The following KDM5B variants were observed in gnomAD, a reference collection of about 807,000 sequenced individuals.
KDM5B encodes lysine demethylase 5B.
KDM5B carries 144 observed loss-of-function variants against 193.4 expected under a neutral mutation model. The observed-to-expected ratio is 0.74, with a 90% CI of 0.65 to 0.86. The LOEUF is 0.86. Among genes scored for constraint, KDM5B ranks in the 40% least tolerant of loss-of-function variants. The pLI is 0.00. For synonymous variants in KDM5B, 668 were observed against 682.6 expected, an observed-to-expected ratio of 0.98 and a Z score of 0.33; for missense variants, 1,833 against 1,886.9, an observed-to-expected ratio of 0.97 and a Z score of 0.53.
At position 202,729,848 on chromosome 1, in the gene KDM5B, CTCTAACTT is replaced by C; in HGVS notation, c.4348_4355del (p.Lys1450GlufsTer4). ...GAACTAATTCATAGCTACGCTCTCTCTCTAACTTGAAATTGTTCATGTCCTTGGGGTGG... is the reference window on the plus strand; with the variant it reads ...GAACTAATTCATAGCTACGCTCTCTCGAAATTGTTCATGTCCTTGGGGTGG... On this transcript the variant is annotated frameshift_variant, in exon 26 of 27. Transcript: ENST00000367265. LOFTEE classifies it high-confidence loss of function. The C allele has an allele frequency of 6.2e-7, 1 of 1,614,186 alleles. No homozygotes were observed. Among genetic ancestry groups the C allele is most frequent in the Non-Finnish European group, 8.5e-7 (1 of 1,180,028 alleles).
chr1:202,778,974 C>CG (rs959552831), intron 1 of KDM5B, among the ~76,000 whole-genome samples: 5 of 151,864 alleles, frequency 3.3e-5, no homozygotes, highest in African/African-American at 9.7e-5. Context: ...GTTAAGGGGT[C>CG]GGGGGGCGGA....
At chr1:202,751,251 C>T (rs1017403278) in intron 12 of KDM5B, among the ~76,000 whole-genome samples, 3 of 152,062 alleles carry the variant, frequency 2.0e-5, no homozygotes, top group Non-Finnish European at 1.5e-5. Flanking sequence ...TTGCTCTAGG[C>T]ACACAAATCC....
At chr1:202,740,905 A>C in intron 19 of KDM5B, 93 bp from the exon 20 acceptor site, 1 of 1,279,720 alleles carries the variant, frequency 7.8e-7, no homozygotes. Context: ...AAGGAAATTC[A>C]GTATGGCAAA....
intron 5 of KDM5B, among the ~76,000 whole-genome samples, chr1:202,764,652 C>CA (rs976826001): frequency 2.8e-4 from 42 of 151,884 alleles, no homozygotes; most frequent in Non-Finnish European, 5.6e-4. Flanking sequence ...AACAAACAAA[C>CA]AAAAAAACAA....
intron 1 of KDM5B, among the ~76,000 whole-genome samples, chr1:202,794,464 A>G (rs1657759477): frequency 6.6e-6 from 1 of 152,252 alleles, no homozygotes; most frequent in South Asian, 2.1e-4. Flanking sequence ...TTCTCTGAAC[A>G]TTACAATTTG....
chr1:202,735,545 T>A lies in KDM5B; in HGVS notation c.3307A>T (p.Arg1103Trp). 6.2e-7 allele frequency: 1 copy of A among 1,613,970 alleles called. No homozygotes were observed. ...GGCTCCTTTAACTTTCTCTGCTTCC[T>A]TTTCAATCCCAAAAGGCCAATATCA... ...RCDIGLLGLK[R>W]KQRKLKEPLP... is the part of the protein sequence containing the mutation. The change falls in exon 22 of 27, where the codon AGG becomes TGG. Residue 1103 changes from arginine to tryptophan, a missense_variant. By Grantham distance (101) the Arg-to-Trp change is moderately radical. Coordinates refer to ENST00000367265, the MANE Select transcript of KDM5B (RefSeq NM_006618.5).
chr1:202,793,599 A>ACCCT (rs1657726065), intron 1 of KDM5B, among the ~76,000 whole-genome samples: 1 of 152,244 alleles, frequency 6.6e-6, no homozygotes, highest in Non-Finnish European at 1.5e-5. Context: ...TAACATGGAA[A>ACCCT]TAATGGAACA....
intron 1 of KDM5B, among the ~76,000 whole-genome samples, chr1:202,801,959 T>G (rs1658093769): frequency 6.6e-6 from 1 of 151,284 alleles, no homozygotes; most frequent in Admixed American, 6.6e-5. Flanking sequence ...AGCCCTCCAG[T>G]TCCCAACCTT....
chr1:202,732,057 A>G (rs997774652), intron 23 of KDM5B, 118 bp from the exon 24 acceptor site: 13 of 636,746 alleles, frequency 2.0e-5, no homozygotes, highest in Admixed American at 3.3e-5. Context: ...AAAAAAAAAA[A>G]CAACTTGATT....
In KDM5B at chr1:202,731,930, G is replaced by A; in HGVS notation, c.3919C>T (p.Pro1307Ser). 1.2e-6 allele frequency: 2 copies of A among 1,605,716 alleles called. No individual in the cohort carries two copies. The highest frequency in any genetic ancestry group is 2.7e-5 in the African/African-American group (2 of 74,586). Residue 1307 changes from proline (P) to serine (S), a missense_variant, in exon 24 of 27, where the codon CCT becomes TCT. Pro to Ser is a moderately conservative substitution (Grantham distance 74). Around this residue, in one of 3 missense-constraint regions of KDM5B, gnomAD observed 1,379 missense variants for 1,349.6 expected, o/e 1.02. Coordinates refer to ENST00000367265, the MANE Select transcript of KDM5B (RefSeq NM_006618.5). ...QVSDTNKVSQ[P>S]PGTTSFSLPD... ...AAAGAAAATGATGTTGTGCCAGGAG[G>A]TTGAGATACCTAATGGAGGGAAAAC...
At chr1:202,789,191 TC>T (rs998522483) in intron 1 of KDM5B, among the ~76,000 whole-genome samples, 22 of 151,980 alleles carry the variant, frequency 1.4e-4, no homozygotes, top group Admixed American at 1.4e-3. Context: ...TGTGTCAATA[TC>T]CCATCTAAAG....
chr1:202,782,253 A>G (rs980605059), intron 1 of KDM5B, among the ~76,000 whole-genome samples: 4 of 152,338 alleles, frequency 2.6e-5, no homozygotes, highest in Admixed American at 1.3e-4. Context: ...ATTCACTGTC[A>G]GCTGCAAAAC....
chr1:202,760,524 C>T lies in KDM5B; in HGVS notation c.968G>A (p.Arg323Gln), dbSNP rs375853158. Residue 323 changes from arginine (R) to glutamine (Q), a missense_variant, in exon 8 of 27, where the codon CGG (arginine) becomes CAG (glutamine). Coordinates refer to ENST00000367265, the MANE Select transcript of KDM5B (RefSeq NM_006618.5). ...LLCGSGNDED[R>Q]LLLCDGCDDS... ...ATCACAGCCATCACACAACAGTAGC[C>T]GGTCTTCATCATTGCCACTGCCACA... is the stretch of plus-strand genomic sequence containing the variant. 8.1e-6 allele frequency: 13 copies of T among 1,612,884 alleles called. No homozygotes were observed. The highest frequency in any genetic ancestry group is 2.2e-5 in the South Asian group (2 of 90,898).
chr1:202,742,587 A>G, intron 17 of KDM5B, 68 bp downstream of exon 17: 5 of 1,605,584 alleles, frequency 3.1e-6, no homozygotes, highest in Non-Finnish European at 4.3e-6. Flanking sequence ...AATTCAAGAC[A>G]GGAGTCACAA....
chr1:202,728,851 A>C lies in KDM5B; in HGVS notation c.*185T>G, dbSNP rs1305004050. On this transcript the variant is annotated 3_prime_UTR_variant, in exon 27 of 27. Transcript: ENST00000367265. ...AGGAAAAAATACAAAAAGTGTCAAA[A>C]ATTTTTTTAGTTGTTTTTTCTTTTC... 3 of 672,472 alleles carry C rather than the reference A, an allele frequency of 4.5e-6. No homozygotes were observed. Among genetic ancestry groups the C allele is most frequent in the African/African-American group, 1.8e-5 (1 of 55,568 alleles). The allele number at this position is 672,472 out of a possible 1,614,324, so 41.7% of individuals were successfully genotyped here.
chr1:202,777,013 T>C lies in KDM5B; in HGVS notation c.282+4A>G, dbSNP rs763396829. 1 of 1,593,318 alleles carries C rather than the reference T, an allele frequency of 6.3e-7. No individual in the cohort carries two copies. Among genetic ancestry groups the C allele is most frequent in the Non-Finnish European group, 8.6e-7 (1 of 1,161,152 alleles). On this transcript the variant is annotated splice_donor_region_variant and intron_variant, in intron 2 of 26. Transcript: ENST00000367265. ...GGCAAACAGAACAATAGTGAAGACATTACCTCCAATTCATTCAGTCTCTGG... is the reference window on the plus strand; with the variant it reads ...GGCAAACAGAACAATAGTGAAGACACTACCTCCAATTCATTCAGTCTCTGG...
At chr1:202,795,040 C>T (rs2102336839) in intron 1 of KDM5B, among the ~76,000 whole-genome samples, 1 of 151,674 alleles carries the variant, frequency 6.6e-6, no homozygotes, top group South Asian at 2.1e-4. Context: ...TGGTAAAACC[C>T]CCAACTCTAC....
rs779171662 is a variant in KDM5B at position 202,755,223 on chromosome 1, C to T, written c.1538+48G>A. On this transcript the variant is annotated intron_variant, in intron 11 of 26. Coordinates refer to ENST00000367265, the MANE Select transcript of KDM5B (RefSeq NM_006618.5). ...CATCTGCACTGAAAAGGAAAGTTTT[C>T]CTATCCAGCATGCATACTACTCATG... is the stretch of plus-strand genomic sequence containing the variant. 27 of 1,467,518 alleles carry T rather than the reference C, an allele frequency of 1.8e-5. No individual in the cohort carries two copies. In the Admixed American group the frequency reaches 4.7e-4, roughly 26 times the overall value. 90.9% of individuals were successfully genotyped at this position (1,467,518 alleles called of 1,614,324 possible).
rs375963855 is a variant in KDM5B at position 202,764,104 on chromosome 1, G to A, written c.753C>T (p.Ala251=). 1.9e-6 allele frequency: 3 copies of A among 1,586,546 alleles called. No homozygotes were observed. The highest frequency in any genetic ancestry group is 2.7e-5 in the African/African-American group (2 of 73,656). Residue 251 remains alanine (A), a synonymous_variant, in exon 6 of 27, where the codon GCC becomes GCT. Coordinates refer to ENST00000367265, the MANE Select transcript of KDM5B (RefSeq NM_006618.5). ...IKIEPEETTE[A]RTHNLRRRMG... is the part of the protein sequence containing the mutation. ...TTCGACGTCTCAGATTATGAGTTCT[G>A]GCTTCCGTTGTCTCCTCGGGTTCTA...
Sources: allele counts gnomAD v4.1 joint callset (sites outside exome capture counted in the v4.1 genomes callset), GRCh38; gene constraint gnomAD v4.1.1; regional missense constraint gnomAD v4.1.1; transcripts MANE v1.5; gene names NCBI Gene and HGNC (gene_info 2026-07-23, HGNC 2026-07-21).